Variants in GRK5 observed in about 807,000 individuals in gnomAD.
GRK5 encodes the protein G protein-coupled receptor kinase 5, also known as g protein-coupled receptor kinase GRK5.
Under a neutral mutation model 78.4 loss-of-function variants are expected in GRK5, and 40 were observed. The observed-to-expected ratio is 0.51, with a 90% CI of 0.40 to 0.66. The LOEUF (loss-of-function observed/expected upper bound fraction) is 0.66. Ranked by LOEUF, GRK5 falls within the 30% of genes least tolerant of loss-of-function variation. The probability of loss-of-function intolerance (pLI) is 0.00; values close to 1 mark genes in which losing one functional copy is unlikely to be tolerated. For synonymous variants in GRK5, 289 were observed against 296.8 expected (o/e 0.97, Z 0.27); for missense variants, 598 against 759.9 (o/e 0.79, Z 2.50).
Position 119,448,375 on chromosome 10 carries a change from G to A in GRK5, c.1404+115G>A, listed in dbSNP as rs534644526. On this transcript the variant is annotated intron_variant, in intron 13 of 15. Transcript: ENST00000392870. The stretch of plus-strand genomic sequence containing the variant: ...GTGTGGGGCACATCGTGTCTTTGTG[G>A]GGACCAGGGTCCCCTCCCGGCCACT... 11 of 1,228,914 alleles carry A rather than the reference G, an allele frequency of 9.0e-6. No homozygotes were observed. The South Asian group carries it at 1.6e-4, about 17-fold the overall frequency. The allele number at this position is 1,228,914 out of a possible 1,614,324, so 76.1% of individuals were successfully genotyped here.
chr10:119,348,225 C>CTCAGTTTGATG (rs954491791), intron 2 of GRK5, among the ~76,000 whole-genome samples: 32 of 152,228 alleles, frequency 2.1e-4, no homozygotes, highest in African/African-American at 7.7e-4. Flanking sequence ...AAGCCCATAG[C>CTCAGTTTGATG]TCAGTTTGAT....
Position 119,253,272 on chromosome 10 carries a change from T to C in GRK5, c.52+45303T>C, listed in dbSNP as rs1042152439. ...AAATTTGAAGGACAAGCAAGGAAGA[T>C]TGGAGCATCTGTGAACTATCTCCAG... is the stretch of plus-strand genomic sequence containing the variant. On this transcript the variant is annotated intron_variant, in intron 1 of 15. Coordinates refer to ENST00000392870, the MANE Select transcript of GRK5 (RefSeq NM_005308.3). The surrounding 1 kb of genome is among the most constrained non-coding windows in gnomAD (Gnocchi z 5.7). 6.6e-6 allele frequency among the ~76,000 whole-genome samples: 1 copy of C among 152,088 alleles called. No individual in the cohort carries two copies. The highest frequency in any genetic ancestry group is 2.4e-5 in the African/African-American group (1 of 41,420).
intron 1 of GRK5, among the ~76,000 whole-genome samples, chr10:119,251,510 A>G (rs1224365012): frequency 6.6e-6 from 1 of 152,232 alleles, no homozygotes. Context: ...TTACTGAGTC[A>G]CTGGAACAGA....
intron 4 of GRK5, among the ~76,000 whole-genome samples, chr10:119,413,367 CCTT>C (rs1211808660): frequency 2.6e-5 from 4 of 151,350 alleles, no homozygotes; most frequent in African/African-American, 4.9e-5. Context: ...TTCTCTATCT[CCTT>C]CTTTCCTGCT....
chr10:119,348,858 G>A (rs1334608952), intron 2 of GRK5, among the ~76,000 whole-genome samples: 2 of 152,294 alleles, frequency 1.3e-5, no homozygotes, highest in Admixed American at 6.5e-5. Context: ...AAAGGAGTTC[G>A]CTCCATTAAG....
intron 2 of GRK5, among the ~76,000 whole-genome samples, chr10:119,341,168 G>C (rs762529348): frequency 3.3e-5 from 5 of 152,114 alleles, no homozygotes; most frequent in Non-Finnish European, 7.4e-5. Context: ...CCTTGTCCCT[G>C]CCTGAACTCC....
chr10:119,440,654 G>A (rs551511288), intron 10 of GRK5, among the ~76,000 whole-genome samples: 29 of 151,884 alleles, frequency 1.9e-4, no homozygotes, highest in South Asian at 1.7e-3. Context: ...AAGTTCAAGT[G>A]ATTCTGCTGC....
intron 2 of GRK5, among the ~76,000 whole-genome samples, chr10:119,353,186 G>A (rs182380338): frequency 4.9e-4 from 75 of 152,250 alleles, no homozygotes; most frequent in Admixed American, 1.9e-3. Context: ...TGGGAATTGG[G>A]ATGCTAGACC....
At chr10:119,442,360 C>T (rs965340471) in intron 11 of GRK5, among the ~76,000 whole-genome samples, 3 of 152,184 alleles carry the variant, frequency 2.0e-5, no homozygotes, top group Non-Finnish European at 2.9e-5. Flanking sequence ...TCTTAGGGGT[C>T]GGGGCCTGGC....
At position 119,459,718 on chromosome 10, in the gene GRK5, A is replaced by G. The variant is rs1335648634; in HGVS notation, c.*4651A>G. 2 of 152,238 alleles carry G rather than the reference A, an allele frequency of 1.3e-5. No individual in the cohort carries two copies. Among genetic ancestry groups the G allele is most frequent in the Non-Finnish European group, 2.9e-5 (2 of 68,046 alleles). The allele number at this position is 152,238 out of a possible 1,614,324, so 9.4% of individuals were successfully genotyped here. A position where few individuals can be genotyped will look rare whatever the true frequency, so the allele number is the denominator to read the frequency against. ...ATGGAGCCACTGTTGTTGTTTTTAA[A>G]AGAGAAATAAATTCCTTAATGGAAG... On this transcript the variant is annotated 3_prime_UTR_variant, in exon 16 of 16. Coordinates refer to ENST00000392870, the MANE Select transcript of GRK5 (RefSeq NM_005308.3).
chr10:119,368,151 G>A (rs1326613489), intron 2 of GRK5, among the ~76,000 whole-genome samples: 1 of 152,252 alleles, frequency 6.6e-6, no homozygotes, highest in African/African-American at 2.4e-5. Context: ...GCAGGCCAGG[G>A]CAGCGTGCAG....
chr10:119,288,174 C>A (rs901473886), intron 1 of GRK5, among the ~76,000 whole-genome samples: 1 of 152,236 alleles, frequency 6.6e-6, no homozygotes, highest in Non-Finnish European at 1.5e-5. Context: ...CCCACCCTTT[C>A]TGCCTGCAGA....
chr10:119,413,314 G>C (rs2420620), intron 4 of GRK5, among the ~76,000 whole-genome samples: 85,265 of 150,940 alleles, frequency 0.56, 24,614 homozygotes, highest in East Asian at 0.8. Context: ...AGGAGGCAGA[G>C]CAGATGACCC....
intron 3 of GRK5, among the ~76,000 whole-genome samples, chr10:119,382,110 C>T (rs1564912157): frequency 6.6e-6 from 1 of 152,142 alleles, no homozygotes; most frequent in Non-Finnish European, 1.5e-5. Flanking sequence ...ATGCCTTCCC[C>T]TCCTCGTCCT....
Position 119,217,899 on chromosome 10 carries a change from T to C in GRK5, c.52+9930T>C, listed in dbSNP as rs766269804. Among the ~76,000 whole-genome samples, 4 of 151,980 alleles carry C rather than the reference T, an allele frequency of 2.6e-5. No individual in the cohort carries two copies. Among genetic ancestry groups the C allele is most frequent in the African/African-American group, 4.8e-5 (2 of 41,374 alleles). On this transcript the variant is annotated intron_variant, in intron 1 of 15. Transcript: ENST00000392870. This position sits in a 1 kb window ranked among gnomAD's most constrained non-coding sequence, Gnocchi z 4.1. The stretch of plus-strand genomic sequence containing the variant: ...TTTACTTACTACCCAAGTAGGGGGT[T>C]AGAGAGGGGGAGGCGAGGAGGGTTT...
At chr10:119,388,252 G>A (rs1718670119) in intron 3 of GRK5, among the ~76,000 whole-genome samples, 1 of 152,116 alleles carries the variant, frequency 6.6e-6, no homozygotes, top group African/African-American at 2.4e-5. Context: ...ATGAGGCACT[G>A]TACCTGGCCA....
intron 4 of GRK5, among the ~76,000 whole-genome samples, chr10:119,414,283 C>A (rs1376350040): frequency 1.3e-5 from 2 of 152,252 alleles, no homozygotes; most frequent in Non-Finnish European, 2.9e-5. Context: ...CCGGGCCGAC[C>A]TTTTGTCCAC....
rs1849589213 is a variant in GRK5 at position 119,271,953 on chromosome 10, C to G, written c.53-54563C>G. Among the ~76,000 whole-genome samples the G allele has an allele frequency of 6.6e-6, 1 of 152,200 alleles. No individual in the cohort carries two copies. The highest frequency in any genetic ancestry group is 2.1e-4 in the South Asian group (1 of 4,826). Reference sequence around the variant, plus strand: ...ACTCTTATTCCTTGTCTGTGGGGCCCTGTTTTGTGGGCTTGCCACAGTCTC... The same window carrying G: ...ACTCTTATTCCTTGTCTGTGGGGCCGTGTTTTGTGGGCTTGCCACAGTCTC... On this transcript the variant is annotated intron_variant, in intron 1 of 15. Transcript: ENST00000392870. This position sits in a 1 kb window ranked among gnomAD's most constrained non-coding sequence, Gnocchi z 4.1.
chr10:119,422,640 G>C (rs114848712), intron 4 of GRK5, among the ~76,000 whole-genome samples: 2,556 of 152,252 alleles, frequency 0.017, 77 homozygotes, highest in African/African-American at 0.058. Context: ...CATGAACCTC[G>C]AGGCTGGGCA....
Sources: gnomAD v4.1 joint callset for allele counts (sites outside exome capture counted in the v4.1 genomes callset) on GRCh38, gnomAD v4.1.1 for gene constraint, Gnocchi (gnomAD v3.1) non-coding constraint, MANE v1.5 for transcripts, NCBI Gene and HGNC (gene_info 2026-07-23, HGNC 2026-07-21) for gene names.